Variants in CSMD3 observed in about 807,000 individuals in gnomAD.
CSMD3 encodes CUB and Sushi multiple domains 3.
Under a neutral mutation model 435.2 loss-of-function variants are expected in CSMD3, and 177 were observed. The ratio of observed to expected loss-of-function variants is 0.41; its 90% CI spans 0.36 to 0.46. CSMD3 has a LOEUF of 0.46. Among genes scored for constraint, CSMD3 ranks in the 20% least tolerant of loss-of-function variants. The probability of loss-of-function intolerance (pLI) is 0.34; values close to 1 mark genes in which losing one functional copy is unlikely to be tolerated. For synonymous variants in CSMD3, 1,656 were observed against 1,520.5 expected, an observed-to-expected ratio of 1.09 and a Z score of -2.07; for missense variants, 4,265 against 4,504.6, an observed-to-expected ratio of 0.95 and a Z score of 1.52.
At chr8:113,205,689 T>C (rs141779741) in intron 3 of CSMD3, among the ~76,000 whole-genome samples, 223 of 152,270 alleles carry the variant, frequency 1.5e-3, no homozygotes, top group African/African-American at 5.2e-3. Flanking sequence ...ACTATAATTG[T>C]AATCAAAATA....
intron 22 of CSMD3, among the ~76,000 whole-genome samples, chr8:112,597,421 C>A (rs918398548): frequency 2.2e-5 from 3 of 137,234 alleles, no homozygotes; most frequent in African/African-American, 8.4e-5. Flanking sequence ...GATTCACAGC[C>A]GAATTCTACC....
intron 5 of CSMD3, among the ~76,000 whole-genome samples, chr8:113,082,868 T>C (rs943426352): frequency 7.2e-5 from 11 of 152,100 alleles, no homozygotes; most frequent in African/African-American, 4.8e-5. Flanking sequence ...ATTTCTGAAC[T>C]TAAAGACAAG....
At chr8:113,101,804 A>T (rs1307043567) in intron 4 of CSMD3, among the ~76,000 whole-genome samples, 4 of 152,116 alleles carry the variant, frequency 2.6e-5, no homozygotes, top group African/African-American at 9.7e-5. Context: ...AGACTATCAT[A>T]GAATCAGTAT....
chr8:112,888,837 G>A (rs764337985), intron 10 of CSMD3, among the ~76,000 whole-genome samples: 22 of 151,542 alleles, frequency 1.5e-4, no homozygotes, highest in Non-Finnish European at 8.9e-5. Flanking sequence ...GTCTACAGAG[G>A]CATGATGAGG....
chr8:112,790,141 G>A (rs1319961890), intron 13 of CSMD3, among the ~76,000 whole-genome samples: 6 of 149,002 alleles, frequency 4.0e-5, no homozygotes, highest in Non-Finnish European at 1.5e-5. Context: ...TATAGTATAG[G>A]ATCTCTGTTT....
intron 35 of CSMD3, among the ~76,000 whole-genome samples, chr8:112,401,672 G>A (rs1831354397): frequency 6.6e-6 from 1 of 151,928 alleles, no homozygotes; most frequent in Non-Finnish European, 1.5e-5. Context: ...ATTAATTGGT[G>A]GAAATTTCAC....
chr8:112,833,927 A>G (rs548424686), intron 11 of CSMD3, among the ~76,000 whole-genome samples: 1 of 151,984 alleles, frequency 6.6e-6, no homozygotes, highest in East Asian at 1.9e-4. Context: ...AATTAAAATT[A>G]GAGAATGTTT....
intron 2 of CSMD3, among the ~76,000 whole-genome samples, chr8:113,289,503 G>C (rs2093669696): frequency 6.6e-6 from 1 of 151,190 alleles, no homozygotes; most frequent in African/African-American, 2.4e-5. Flanking sequence ...GACCGAGAGA[G>C]AGGTGAGAGC....
intron 2 of CSMD3, chr8:113,312,809 C>T (rs559230701): frequency 1.3e-5 from 2 of 151,914 alleles, no homozygotes; most frequent in African/African-American, 4.8e-5. Flanking sequence ...AGCAGTCAGA[C>T]GTGCGTACCA....
chr8:112,667,143 C>T (rs539281875), intron 16 of CSMD3, among the ~76,000 whole-genome samples: 5 of 152,140 alleles, frequency 3.3e-5, no homozygotes, highest in South Asian at 4.1e-4. Context: ...TTAGTGTAAA[C>T]GCCTCATTTT....
Position 112,966,943 on chromosome 8 carries a change from G to C in CSMD3, c.1342+8894C>G, listed in dbSNP as rs948897817. On this transcript the variant is annotated intron_variant, in intron 7 of 70. Coordinates refer to ENST00000297405, the MANE Select transcript of CSMD3 (RefSeq NM_198123.2). Reference sequence around the variant, plus strand: ...ATCCTAGTGGAGAACAAAATCCTATGAGGAATAGACAGTGTTGGGACTGTG... The same window carrying C: ...ATCCTAGTGGAGAACAAAATCCTATCAGGAATAGACAGTGTTGGGACTGTG... 2.0e-5 allele frequency among the ~76,000 whole-genome samples: 3 copies of C among 151,870 alleles called. No homozygotes were observed. In the East Asian group the frequency reaches 5.8e-4, roughly 29 times the overall value.
Position 112,408,216 on chromosome 8 carries a change from A to G in CSMD3, c.5605+102T>C, listed in dbSNP as rs560533708. On this transcript the variant is annotated intron_variant, in intron 34 of 70. Coordinates refer to ENST00000297405, the MANE Select transcript of CSMD3 (RefSeq NM_198123.2). ...GAGGGGACAAAATAAAACTGCTTAA[A>G]AACACTTTTATCTAGAGGATTTCAT... is the stretch of plus-strand genomic sequence containing the variant. The G allele has an allele frequency of 6.5e-5, 57 of 871,446 alleles. No homozygotes were observed. The African/African-American group carries it at 7.7e-4, about 12-fold the overall frequency. 54.0% of individuals were successfully genotyped at this position (871,446 alleles called of 1,614,324 possible).
At chr8:112,973,157 A>T (rs907060899) in intron 7 of CSMD3, among the ~76,000 whole-genome samples, 1 of 151,986 alleles carries the variant, frequency 6.6e-6, no homozygotes, top group Admixed American at 6.6e-5. Flanking sequence ...TTTATTCTTA[A>T]GAGCATTGAT....
At chr8:112,621,450 A>G (rs1387455247) in intron 22 of CSMD3, among the ~76,000 whole-genome samples, 2 of 152,018 alleles carry the variant, frequency 1.3e-5, no homozygotes, top group Non-Finnish European at 2.9e-5. Flanking sequence ...TCTTCTCAGC[A>G]AAATTCCTCA....
chr8:112,502,492 C>T (rs144483323), intron 30 of CSMD3, among the ~76,000 whole-genome samples: 62 of 152,290 alleles, frequency 4.1e-4, no homozygotes, highest in Middle Eastern at 3.4e-3. Flanking sequence ...ACAGAGATAT[C>T]GGAGGACTCC....
rs1252386363 is a variant in CSMD3, at chr8:112,573,630, G to C, written c.3913C>G (p.His1305Asp). 3.1e-6 allele frequency: 5 copies of C among 1,612,562 alleles called. No homozygotes were observed. The highest frequency in any genetic ancestry group is 4.2e-6 in the Non-Finnish European group (5 of 1,178,784). ...GCACCAGTAAAAGCACCTAGTAGAT[G>C]AGTCGTTTTATCTTTTCCATCATAA... is the stretch of plus-strand genomic sequence containing the variant. ...KIYDGKDKTT[H>D]LLGAFTGASM... The change falls in exon 24 of 71, where the codon CAT (histidine) becomes GAT (aspartate). Residue 1305 changes from histidine (H) to aspartate (D), a missense_variant. Physicochemically the swap from His to Asp is moderately conservative, Grantham distance 81. Transcript: ENST00000297405.
chr8:112,664,925 GC>G (rs990011083), intron 17 of CSMD3, among the ~76,000 whole-genome samples: 2 of 152,242 alleles, frequency 1.3e-5, no homozygotes, highest in African/African-American at 4.8e-5. Flanking sequence ...GGTTATGGCA[GC>G]CCTAACTAAT....
At chr8:112,536,488 G>T (rs1243256916) in intron 27 of CSMD3, among the ~76,000 whole-genome samples, 1 of 152,116 alleles carries the variant, frequency 6.6e-6, no homozygotes, top group Non-Finnish European at 1.5e-5. Context: ...TCTCACACCA[G>T]TTAGAATGGC....
At chr8:112,785,148 T>G (rs1319825708) in intron 13 of CSMD3, among the ~76,000 whole-genome samples, 2 of 151,898 alleles carry the variant, frequency 1.3e-5, no homozygotes, top group East Asian at 1.9e-4. Flanking sequence ...ATTAATAGAA[T>G]GAAGAACAAA....
Sources: gnomAD v4.1 joint callset for allele counts (sites outside exome capture counted in the v4.1 genomes callset) on GRCh38, gnomAD v4.1.1 for gene constraint, MANE v1.5 for transcripts, NCBI Gene and HGNC (gene_info 2026-07-23, HGNC 2026-07-21) for gene names.